The following GRID1 variants were observed in gnomAD, a reference collection of about 807,000 sequenced individuals.
GRID1 encodes the protein glutamate ionotropic receptor delta type subunit 1, also known as glutamate receptor ionotropic, delta-1.
A neutral mutation model predicts 98.0 loss-of-function variants in GRID1; 28 were observed. The observed-to-expected ratio is 0.29, with a 90% CI of 0.21 to 0.39. GRID1 has a LOEUF of 0.39. Among genes scored for constraint, GRID1 ranks in the 10% least tolerant of loss-of-function variants. The probability of loss-of-function intolerance (pLI) is 1.00; values close to 1 mark genes in which losing one functional copy is unlikely to be tolerated. For missense variants in GRID1, 1,111 were observed against 1,340.5 expected (o/e 0.83, Z 2.67); for synonymous variants, 553 against 538.5 (o/e 1.03, Z -0.37).
rs542808316 is a variant in GRID1, at chr10:86,365,963, C to T, written c.79+351G>A. 6.6e-6 allele frequency among the ~76,000 whole-genome samples: 1 copy of T among 152,150 alleles called. No individual in the cohort carries two copies. Among genetic ancestry groups the T allele is most frequent in the African/African-American group, 2.4e-5 (1 of 41,456 alleles). ...CCCCCGCTGTACCTCCCCCTGCCCC[C>T]CGCTGCTCTGAGCTGCGCAGAAGGG... On this transcript the variant is annotated intron_variant, in intron 1 of 15. Coordinates refer to ENST00000327946, the MANE Select transcript of GRID1 (RefSeq NM_017551.3). This position sits in a 1 kb window ranked among gnomAD's most constrained non-coding sequence, Gnocchi z 4.8.
At chr10:85,619,808 C>T (rs1842836986) in intron 14 of GRID1, 59 bp downstream of exon 14, 1 of 1,349,670 alleles carries the variant, frequency 7.4e-7, no homozygotes, top group Non-Finnish European at 1.1e-6. Context: ...AGGTTATTCT[C>T]CTACCCTTGA....
At chr10:86,040,587 G>C (rs1480576265) in intron 4 of GRID1, among the ~76,000 whole-genome samples, 2 of 151,208 alleles carry the variant, frequency 1.3e-5, no homozygotes, top group Non-Finnish European at 2.9e-5. Context: ...GAGGAGAAAA[G>C]GGCAAGGGGG....
At chr10:86,174,388 G>A (rs913867260) in intron 3 of GRID1, among the ~76,000 whole-genome samples, 37 of 152,084 alleles carry the variant, frequency 2.4e-4, no homozygotes, top group Non-Finnish European at 4.0e-4. Context: ...ACAAGCAATG[G>A]GGAAAGGATT....
chr10:85,806,615 AG>A (rs1177321111), intron 8 of GRID1, among the ~76,000 whole-genome samples: 1 of 152,196 alleles, frequency 6.6e-6, no homozygotes, highest in Non-Finnish European at 1.5e-5. Context: ...TCAAATAAAA[AG>A]GAACAATTCA....
At chr10:85,943,433 A>G (rs1842019111) in intron 4 of GRID1, among the ~76,000 whole-genome samples, 1 of 152,224 alleles carries the variant, frequency 6.6e-6, no homozygotes, top group Non-Finnish European at 1.5e-5. Context: ...TTACCTCACC[A>G]TGGAACTAGG....
chr10:85,939,142 C>T (rs904262506), intron 4 of GRID1, among the ~76,000 whole-genome samples: 1 of 152,160 alleles, frequency 6.6e-6, no homozygotes, highest in African/African-American at 2.4e-5. Flanking sequence ...GCCAGCCTAC[C>T]TGGACTGCCT....
At chr10:85,671,419 T>A (rs889585897) in intron 12 of GRID1, among the ~76,000 whole-genome samples, 2 of 152,202 alleles carry the variant, frequency 1.3e-5, no homozygotes, top group East Asian at 3.8e-4. Context: ...CAGTGATCTA[T>A]GATCAGTGAT....
intron 13 of GRID1, among the ~76,000 whole-genome samples, chr10:85,633,032 G>A (rs749463509): frequency 1.2e-4 from 18 of 152,152 alleles, no homozygotes; most frequent in South Asian, 6.2e-4. Context: ...AGCTTCCTCC[G>A]TGTCCCTGAA....
At position 85,763,723 on chromosome 10, in the gene GRID1, A is replaced by G. The variant is rs77616015; in HGVS notation, c.1234-34109T>C. Among the ~76,000 whole-genome samples the G allele has an allele frequency of 2.8e-3, 423 of 152,320 alleles. 3 individuals are homozygous for G. Among genetic ancestry groups the G allele is most frequent in the African/African-American group, 9.7e-3 (402 of 41,564 alleles). On this transcript the variant is annotated intron_variant, in intron 8 of 15. Transcript: ENST00000327946. ...CTGCATTTGTTAGAATCATCAGTAG[A>G]CAGATTTGAGTATGTATAACATTTA...
intron 4 of GRID1, among the ~76,000 whole-genome samples, chr10:85,987,352 A>G (rs1842620993): frequency 1.3e-5 from 2 of 149,234 alleles, no homozygotes; most frequent in South Asian, 4.3e-4. Flanking sequence ...AGCCAACCTA[A>G]TCACCCTCCC....
At chr10:85,617,010 G>T (rs1396434248) in intron 14 of GRID1, among the ~76,000 whole-genome samples, 1 of 152,160 alleles carries the variant, frequency 6.6e-6, no homozygotes, top group Non-Finnish European at 1.5e-5. Context: ...CCTGTCCTCT[G>T]CCAAAGCAAA....
intron 3 of GRID1, among the ~76,000 whole-genome samples, chr10:86,194,844 C>A (rs1288123479): frequency 6.6e-6 from 1 of 151,978 alleles, no homozygotes; most frequent in Non-Finnish European, 1.5e-5. Context: ...AGCTCTGCTA[C>A]GGCTCTATGG....
At chr10:85,612,338 T>C (rs1389262835) in intron 15 of GRID1, among the ~76,000 whole-genome samples, 1 of 152,190 alleles carries the variant, frequency 6.6e-6, no homozygotes, top group Admixed American at 6.5e-5. Context: ...TACCTCCTCC[T>C]GGCTGTTTTT....
intron 13 of GRID1, among the ~76,000 whole-genome samples, chr10:85,632,366 TG>T (rs1435196089): frequency 6.6e-6 from 1 of 152,164 alleles, no homozygotes; most frequent in Non-Finnish European, 1.5e-5. Context: ...TTCAAGCAAA[TG>T]TTCTCAAATT....
chr10:86,314,585 G>A (rs2132090783), intron 2 of GRID1, among the ~76,000 whole-genome samples: 1 of 152,300 alleles, frequency 6.6e-6, no homozygotes, highest in South Asian at 2.1e-4. Flanking sequence ...CTGGGAAATG[G>A]TGGCACAGGT....
rs11201822 is a variant in GRID1 at position 85,881,239 on chromosome 10, C to T, written c.781-12059G>A. On this transcript the variant is annotated intron_variant, in intron 5 of 15. Transcript: ENST00000327946. ...ATTCAATGCCATCCCCATCAAGCTACCAATGACTTTCTTCACAGAATTGGA... is the reference window on the plus strand; with the variant it reads ...ATTCAATGCCATCCCCATCAAGCTATCAATGACTTTCTTCACAGAATTGGA... 6.6e-3 allele frequency among the ~76,000 whole-genome samples: 1,001 copies of T among 151,976 alleles called. 40 individuals are homozygous for T. The highest frequency in any genetic ancestry group is 0.047 in the Admixed American group (718 of 15,260).
intron 4 of GRID1, among the ~76,000 whole-genome samples, chr10:85,958,112 C>T (rs1047267811): frequency 1.3e-5 from 2 of 152,236 alleles, no homozygotes; most frequent in African/African-American, 4.8e-5. Context: ...ACCCCTCTGA[C>T]CCCTGCTGGG....
chr10:85,888,328 G>A (rs998587546), intron 5 of GRID1, among the ~76,000 whole-genome samples: 3 of 152,136 alleles, frequency 2.0e-5, no homozygotes, highest in Admixed American at 6.5e-5. Context: ...ATCTGCAGCA[G>A]TCTCCTCTCC....
At chr10:85,816,846 C>T (rs1209185229) in intron 8 of GRID1, among the ~76,000 whole-genome samples, 2 of 152,148 alleles carry the variant, frequency 1.3e-5, no homozygotes, top group Non-Finnish European at 2.9e-5. Context: ...CTCTGATCCT[C>T]TCCCTCCTTC....
Sources: gnomAD v4.1 joint callset for allele counts (sites outside exome capture counted in the v4.1 genomes callset) on GRCh38, gnomAD v4.1.1 for gene constraint, Gnocchi (gnomAD v3.1) non-coding constraint, MANE v1.5 for transcripts, NCBI Gene and HGNC (gene_info 2026-07-23, HGNC 2026-07-21) for gene names.